The following ARID1B variants were observed in gnomAD, a reference collection of about 807,000 sequenced individuals.
ARID1B encodes AT-rich interaction domain 1B.
ARID1B carries 30 observed loss-of-function variants against 212.3 expected under a neutral mutation model. That is an observed-to-expected ratio of 0.14 (90% CI 0.11 to 0.19). The LOEUF is 0.19. Among genes scored for constraint, ARID1B ranks in the 10% least tolerant of loss-of-function variants. The probability of loss-of-function intolerance (pLI) is 1.00; values close to 1 mark genes in which losing one functional copy is unlikely to be tolerated. For missense variants in ARID1B, 2,891 were observed against 3,204.0 expected (o/e 0.90, Z 2.36); for synonymous variants, 1,402 against 1,301.7 (o/e 1.08, Z -1.66).
chr6:157,056,944 T>C (rs562700135), intron 4 of ARID1B, among the ~76,000 whole-genome samples: 19 of 152,012 alleles, frequency 1.2e-4, no homozygotes, highest in Non-Finnish European at 2.6e-4. Flanking sequence ...TGCAGGTTTG[T>C]TGTGTAGGTA....
intron 1 of ARID1B, among the ~76,000 whole-genome samples, chr6:156,781,958 T>A (rs949820953): frequency 3.4e-5 from 5 of 147,028 alleles, no homozygotes; most frequent in Non-Finnish European, 6.0e-5. Context: ...TATGTCCCTA[T>A]GACCCTTGGG....
chr6:157,004,482 T>A (rs1320279017), intron 4 of ARID1B, among the ~76,000 whole-genome samples: 3 of 152,238 alleles, frequency 2.0e-5, no homozygotes, highest in African/African-American at 7.2e-5. Flanking sequence ...AAGTGTAATT[T>A]CTTGAGAAAA....
At chr6:156,821,942 G>T (rs901815557) in intron 1 of ARID1B, among the ~76,000 whole-genome samples, 2 of 152,152 alleles carry the variant, frequency 1.3e-5, no homozygotes, top group African/African-American at 2.4e-5. Context: ...GTCATGGTTA[G>T]AGGGCACCGA....
At chr6:156,986,891 A>AGGCGCAGTGGC (rs1777952923) in intron 4 of ARID1B, among the ~76,000 whole-genome samples, 21 of 152,182 alleles carry the variant, frequency 1.4e-4, no homozygotes, top group Non-Finnish European at 2.8e-4. Flanking sequence ...TTAATAAAAC[A>AGGCGCAGTGGC]ACATAGGCCG....
At chr6:156,992,059 T>G (rs1778305105) in intron 4 of ARID1B, among the ~76,000 whole-genome samples, 1 of 152,226 alleles carries the variant, frequency 6.6e-6, no homozygotes, top group Non-Finnish European at 1.5e-5. Context: ...TATTTTACAG[T>G]TTACTTTTCT....
chr6:156,776,823 G>A (rs1045442989), upstream of ARID1B: 8 of 152,194 alleles, frequency 5.3e-5, no homozygotes, highest in African/African-American at 1.9e-4. Context: ...CTCTCTGACC[G>A]GGGCTAACCT....
chr6:157,147,044 G>A (rs1789780389), intron 7 of ARID1B, among the ~76,000 whole-genome samples: 1 of 152,006 alleles, frequency 6.6e-6, no homozygotes, highest in Non-Finnish European at 1.5e-5. Flanking sequence ...TGAATTCATT[G>A]GTGCAAAGCA....
intron 4 of ARID1B, among the ~76,000 whole-genome samples, chr6:157,029,675 C>G (rs1780902885): frequency 6.6e-6 from 1 of 152,204 alleles, no homozygotes; most frequent in African/African-American, 2.4e-5. Flanking sequence ...GAGGAGGGAG[C>G]AGCCAGTGCA....
intron 3 of ARID1B, among the ~76,000 whole-genome samples, chr6:156,909,123 C>CTTTTTTTTTTTTTTTTTTTTT (rs60183999): frequency 9.2e-6 from 1 of 108,822 alleles, no homozygotes; most frequent in Non-Finnish European, 1.8e-5. Flanking sequence ...TTTTCTTTCT[C>CTTTTTTTTTTTTTTTTTTTTT]TTTTTTTTTT....
chr6:157,111,623 T>G (rs1786929625), intron 6 of ARID1B, among the ~76,000 whole-genome samples: 3 of 152,188 alleles, frequency 2.0e-5, no homozygotes, highest in African/African-American at 7.2e-5. Flanking sequence ...TGATTAGAAT[T>G]ATGAGGTTTA....
intron 5 of ARID1B, among the ~76,000 whole-genome samples, chr6:157,105,695 G>T (rs748621088): frequency 2.6e-5 from 4 of 152,070 alleles, no homozygotes; most frequent in Admixed American, 6.6e-5. Context: ...TCCGCCTCCC[G>T]GGTTCAAGCG....
At chr6:156,859,924 A>G (rs571662663) in intron 2 of ARID1B, among the ~76,000 whole-genome samples, 15 of 152,270 alleles carry the variant, frequency 9.9e-5, no homozygotes, top group African/African-American at 2.6e-4. Context: ...AGTTGTTTCA[A>G]CCATTTGGTC....
rs1289236801 is a variant in ARID1B at position 156,840,776 on chromosome 6, GT to G, written c.1986+11356del. On this transcript the variant is annotated intron_variant, in intron 2 of 19. Transcript: ENST00000636930. ...TAGCTGAGTGGTTTTCTGTCTTGCTGTCTTGCTGTGTCATGTCCGGGGTCTG... is the reference window on the plus strand; with the variant it reads ...TAGCTGAGTGGTTTTCTGTCTTGCTGCTTGCTGTGTCATGTCCGGGGTCTG... Among the ~76,000 whole-genome samples the G allele has an allele frequency of 2.6e-5, 4 of 152,116 alleles. No individual in the cohort carries two copies. The East Asian group carries it at 7.7e-4, about 29-fold the overall frequency.
intron 2 of ARID1B, among the ~76,000 whole-genome samples, chr6:156,881,038 G>C (rs976140251): frequency 2.0e-5 from 3 of 152,102 alleles, no homozygotes; most frequent in African/African-American, 7.2e-5. Flanking sequence ...AGGTTAGAAG[G>C]GTATTTAAAA....
intron 1 of ARID1B, among the ~76,000 whole-genome samples, chr6:156,813,099 T>TACGTATGTATATACATAC (rs1272441607): frequency 3.9e-4 from 21 of 54,046 alleles, no homozygotes; most frequent in South Asian, 9.5e-4. Context: ...TATACATACA[T>TACGTATGTATATACATAC]ATATATATAT....
intron 4 of ARID1B, among the ~76,000 whole-genome samples, chr6:156,966,208 A>G (rs914783707): frequency 9.2e-5 from 14 of 152,194 alleles, no homozygotes; most frequent in Non-Finnish European, 1.8e-4. Context: ...TTAAATTCCT[A>G]TAAGTGTGCA....
chr6:157,174,745 A>G (rs1442452990), intron 10 of ARID1B, 102 bp from the exon 11 acceptor site: 2 of 342,796 alleles, frequency 5.8e-6, no homozygotes, highest in Non-Finnish European at 9.7e-6. Context: ...TATATAATAT[A>G]TATAAAAAAA....
chr6:157,147,970 C>T (rs369524722), intron 7 of ARID1B, among the ~76,000 whole-genome samples: 1 of 130,394 alleles, frequency 7.7e-6, no homozygotes, highest in South Asian at 3.0e-4. Flanking sequence ...CTGCCGTGTG[C>T]CGTGCTTGTG....
intron 8 of ARID1B, among the ~76,000 whole-genome samples, chr6:157,154,899 T>C (rs1310490479): frequency 2.6e-5 from 4 of 151,850 alleles, no homozygotes; most frequent in East Asian, 3.9e-4. Context: ...TTCTTTCTAC[T>C]TTTTTGTTTT....
Sources: allele counts gnomAD v4.1 joint callset (sites outside exome capture counted in the v4.1 genomes callset), GRCh38; gene constraint gnomAD v4.1.1; transcripts MANE v1.5; gene names NCBI Gene and HGNC (gene_info 2026-07-23, HGNC 2026-07-21).